The following CSMD3 variants were observed in gnomAD, a reference collection of about 807,000 sequenced individuals.
CSMD3 encodes CUB and sushi domain-containing protein 3.
CSMD3 carries 177 observed loss-of-function variants against 435.2 expected under a neutral mutation model. That is an observed-to-expected ratio of 0.41 (90% CI 0.36 to 0.46). The LOEUF (loss-of-function observed/expected upper bound fraction) is 0.46, where lower values mean the gene tolerates loss of function less well. Ranked by LOEUF, CSMD3 falls within the 20% of genes least tolerant of loss-of-function variation. The pLI is 0.34. For missense variants in CSMD3, 4,265 were observed against 4,504.6 expected (o/e 0.95, Z 1.52); for synonymous variants, 1,656 against 1,520.5 (o/e 1.09, Z -2.07).
intron 27 of CSMD3, among the ~76,000 whole-genome samples, chr8:112,537,401 GA>G (rs148925831): frequency 0.31 from 46,652 of 150,560 alleles, 7,347 homozygotes; most frequent in East Asian, 0.47. Context: ...ATCAGAACAG[GA>G]AAAAAAATTG....
intron 32 of CSMD3, among the ~76,000 whole-genome samples, chr8:112,411,342 C>T (rs1460846103): frequency 6.6e-6 from 1 of 151,752 alleles, no homozygotes; most frequent in Non-Finnish European, 1.5e-5. Flanking sequence ...TAGTTATTAA[C>T]TCGGTTGGGA....
rs146021021 is a variant in CSMD3, at chr8:113,243,652, G to A, written c.514+34940C>T. On this transcript the variant is annotated intron_variant, in intron 3 of 70. Transcript: ENST00000297405. ...TATGACTAGAATTGCTAGATTATAT[G>A]GTAACTCTGTGTTTAACTTTTTGAG... Among the ~76,000 whole-genome samples the A allele has an allele frequency of 7.2e-5, 11 of 152,042 alleles. No individual in the cohort carries two copies. The East Asian group carries it at 2.1e-3, about 29-fold the overall frequency.
rs1354388081 is a variant in CSMD3 at position 113,410,951 on chromosome 8, A to AAGAAAGAAAGAG, written c.178+25725_178+25726insCTCTTTCTTTCT. Among the ~76,000 whole-genome samples, 187 of 143,420 alleles carry AAGAAAGAAAGAG rather than the reference A, an allele frequency of 1.3e-3. 1 individual carries two copies. In the East Asian group the frequency reaches 0.013, roughly 10 times the overall value. The allele number at this position is 143,420 out of a possible 152,430, so 94.1% of individuals were successfully genotyped here. A position where few individuals can be genotyped will look rare whatever the true frequency, so the allele number is the denominator to read the frequency against. On this transcript the variant is annotated intron_variant, in intron 1 of 70. Coordinates refer to ENST00000297405, the MANE Select transcript of CSMD3 (RefSeq NM_198123.2). ...AAAGAAAGAAAGAAAGAAAGAAAGAAAGAGAAGGGAGGGAGGGAGGAAGAA... is the reference window on the plus strand; with the variant it reads ...AAAGAAAGAAAGAAAGAAAGAAAGAAAGAAAGAAAGAGAGAGAAGGGAGGGAGGGAGGAAGAA...
chr8:112,976,137 A>G lies in CSMD3; in HGVS notation c.1042T>C (p.Leu348=), dbSNP rs1205512563. 3.1e-6 allele frequency: 5 copies of G among 1,613,864 alleles called. No individual in the cohort carries two copies. Among genetic ancestry groups the G allele is most frequent in the South Asian group, 1.1e-5 (1 of 91,086 alleles). ...TCACCAGTGGAGGTAGTGTGGGTCA[A>G]TGTAGAAGAACCTGTGGGACACAGT... ...FSAPYQGSST[L]THTTSTGELE... Residue 348 remains leucine (L), a synonymous_variant, in exon 7 of 71, where the codon TTG becomes CTG. Coordinates refer to ENST00000297405, the MANE Select transcript of CSMD3 (RefSeq NM_198123.2).
intron 3 of CSMD3, among the ~76,000 whole-genome samples, chr8:113,208,071 G>T (rs1209579527): frequency 1.3e-5 from 2 of 152,072 alleles, no homozygotes; most frequent in Non-Finnish European, 2.9e-5. Flanking sequence ...AGCAATAACT[G>T]CATTTTAACA....
At chr8:112,897,694 C>CTGTGTGTGTGTGTGTGTGTG (rs375797134) in intron 10 of CSMD3, among the ~76,000 whole-genome samples, 1 of 90,964 alleles carries the variant, frequency 1.1e-5, no homozygotes, top group African/African-American at 4.4e-5. Context: ...CTCTCTCTCT[C>CTGTGTGTGTGTGTGTGTGTG]TGTGTGTGTG....
In CSMD3 at chr8:112,584,835, A is replaced by G. The variant is rs141695799; in HGVS notation, c.3885+2231T>C. On this transcript the variant is annotated intron_variant, in intron 23 of 70. Transcript: ENST00000297405. ...ATATAGGGATCTAACTGACTCCACT[A>G]TGTTCGATATTGTAAAGTACTGGAG... 1.2e-4 allele frequency among the ~76,000 whole-genome samples: 18 copies of G among 151,826 alleles called. No individual in the cohort carries two copies. The East Asian group carries it at 2.1e-3, about 18-fold the overall frequency.
rs116786410 is a variant in CSMD3 at position 113,142,764 on chromosome 8, G to T, written c.709+30958C>A. Among the ~76,000 whole-genome samples, 783 of 150,632 alleles carry T rather than the reference G, an allele frequency of 5.2e-3. 11 individuals carry two copies. The highest frequency in any genetic ancestry group is 0.018 in the African/African-American group (756 of 41,238). Reference sequence around the variant, plus strand: ...AAAGAATAATTGCATCATTTATAACGCAAAGAAAGGGTACATGCTTGAGGT... The same window carrying T: ...AAAGAATAATTGCATCATTTATAACTCAAAGAAAGGGTACATGCTTGAGGT... On this transcript the variant is annotated intron_variant, in intron 4 of 70. Coordinates refer to ENST00000297405, the MANE Select transcript of CSMD3 (RefSeq NM_198123.2).
At chr8:113,071,506 TA>T (rs1302591350) in intron 5 of CSMD3, among the ~76,000 whole-genome samples, 1 of 151,932 alleles carries the variant, frequency 6.6e-6, no homozygotes, top group African/African-American at 2.4e-5. Context: ...TGGTGTGAGA[TA>T]AGGATCCAAT....
At chr8:112,950,993 G>A (rs376539287) in intron 8 of CSMD3, among the ~76,000 whole-genome samples, 5 of 151,906 alleles carry the variant, frequency 3.3e-5, no homozygotes, top group African/African-American at 1.2e-4. Context: ...CACCATTTCT[G>A]GACATCTGCA....
chr8:112,702,941 T>G (rs1176516971), intron 13 of CSMD3, among the ~76,000 whole-genome samples: 5 of 151,882 alleles, frequency 3.3e-5, no homozygotes, highest in Admixed American at 3.3e-4. Flanking sequence ...TTCCTTAAGC[T>G]CTACCCCCAC....
intron 38 of CSMD3, among the ~76,000 whole-genome samples, chr8:112,355,519 C>T (rs528501384): frequency 6.6e-6 from 1 of 152,062 alleles, no homozygotes; most frequent in African/African-American, 2.4e-5. Context: ...AGTCAACAAG[C>T]AAAACACAAA....
chr8:112,362,894 C>CT (rs1325298105), intron 38 of CSMD3, among the ~76,000 whole-genome samples: 1 of 151,758 alleles, frequency 6.6e-6, no homozygotes, highest in East Asian at 1.9e-4. Context: ...ATTTTTCTTT[C>CT]TTTTTTGGAA....
chr8:112,615,711 G>A (rs1448287098), intron 22 of CSMD3, among the ~76,000 whole-genome samples: 3 of 152,022 alleles, frequency 2.0e-5, no homozygotes, highest in Admixed American at 2.0e-4. Flanking sequence ...CGAAAAAAGA[G>A]TTCTGGTATT....
At chr8:113,334,277 G>GTTT (rs199620801) in intron 1 of CSMD3, among the ~76,000 whole-genome samples, 18 of 78,742 alleles carry the variant, frequency 2.3e-4, no homozygotes, top group South Asian at 1.3e-3. Flanking sequence ...GATAGTTTAA[G>GTTT]TTTTTTTTTT....
chr8:112,608,426 C>A (rs1586796918), intron 22 of CSMD3, among the ~76,000 whole-genome samples: 1 of 151,960 alleles, frequency 6.6e-6, no homozygotes, highest in East Asian at 1.9e-4. Flanking sequence ...GCATTTTACA[C>A]AGAAATGGAA....
intron 27 of CSMD3, among the ~76,000 whole-genome samples, chr8:112,519,899 G>A (rs560172975): frequency 1.3e-5 from 2 of 152,244 alleles, no homozygotes; most frequent in South Asian, 4.1e-4. Context: ...GTGTTGAATA[G>A]AGCGTAAAAC....
intron 2 of CSMD3, chr8:113,309,347 T>A (rs186353391): frequency 6.6e-6 from 1 of 152,246 alleles, no homozygotes; most frequent in Non-Finnish European, 1.5e-5. Flanking sequence ...GATGTAAGCA[T>A]AGTACATGAC....
intron 31 of CSMD3, among the ~76,000 whole-genome samples, chr8:112,478,532 A>C (rs956492125): frequency 6.6e-6 from 1 of 152,176 alleles, no homozygotes; most frequent in East Asian, 1.9e-4. Flanking sequence ...GTCCTAGTAC[A>C]TGTCCTAGAG....
Sources: allele counts gnomAD v4.1 joint callset (sites outside exome capture counted in the v4.1 genomes callset), GRCh38; gene constraint gnomAD v4.1.1; transcripts MANE v1.5; gene names NCBI Gene and HGNC (gene_info 2026-07-23, HGNC 2026-07-21).